The following NAV2 variants were observed in gnomAD, a reference collection of about 807,000 sequenced individuals.
The protein encoded by NAV2 is helicase, APC down-regulated 1.
In NAV2, 54 loss-of-function variants were observed where a neutral mutation model predicts 223.2. The observed-to-expected ratio is 0.24, with a 90% CI of 0.19 to 0.30. The LOEUF (loss-of-function observed/expected upper bound fraction) is 0.30, where lower values mean the gene tolerates loss of function less well. Among genes scored for constraint, NAV2 ranks in the 10% least tolerant of loss-of-function variants. NAV2 has a pLI of 1.00. For missense variants in NAV2, 2,806 were observed against 3,147.5 expected (o/e 0.89, Z 2.60); for synonymous variants, 1,279 against 1,239.3 (o/e 1.03, Z -0.67).
intron 1 of NAV2, among the ~76,000 whole-genome samples, chr11:19,686,135 C>T (rs990099493): frequency 2.0e-5 from 3 of 152,148 alleles, no homozygotes; most frequent in Admixed American, 1.3e-4. Context: ...CCTCTCTGCC[C>T]CCTTCACTTC....
At position 20,044,067 on chromosome 11, in the gene NAV2, C is replaced by T. The variant is rs748469820; in HGVS notation, c.2994C>T (p.Ser998=). ...AGAAATCAGACGGAGGCTCAGACAG[C>T]GGCATAAAAATGGAGCCAGGTTCCA... ...DVKKSDGGSD[S]GIKMEPGSKW... is the part of the protein sequence containing the mutation. Residue 998 remains serine, a synonymous_variant, in exon 13 of 38, where the codon AGC becomes AGT. Coordinates refer to ENST00000349880, the MANE Select transcript of NAV2 (RefSeq NM_145117.5). 22 of 1,614,018 alleles carry T rather than the reference C, an allele frequency of 1.4e-5. No homozygotes were observed. The East Asian group carries it at 2.0e-4, about 15-fold the overall frequency.
intron 1 of NAV2, among the ~76,000 whole-genome samples, chr11:19,665,915 A>AATCATC (rs570038146): frequency 6.6e-6 from 1 of 152,008 alleles, no homozygotes. Flanking sequence ...AAGAATGCAG[A>AATCATC]ATCATCATCA....
Position 19,534,682 on chromosome 11 carries a change from G to A in NAV2, c.75+183655G>A, listed in dbSNP as rs377629951. Among the ~76,000 whole-genome samples the A allele has an allele frequency of 5.9e-5, 9 of 152,204 alleles. 1 individual carries two copies. In the East Asian group the frequency reaches 9.6e-4, roughly 16 times the overall value. On this transcript the variant is annotated intron_variant, in intron 1 of 37. Transcript: ENST00000360655. ...GAGCAATGGCATGGAACTTGGAGCA[G>A]CAGGGCTCCCTGTGCAATGTTTGAA...
chr11:19,594,399 T>TGGTAGCTG (rs1463574088), intron 1 of NAV2, among the ~76,000 whole-genome samples: 1 of 152,140 alleles, frequency 6.6e-6, no homozygotes, highest in Non-Finnish European at 1.5e-5. Flanking sequence ...CAAGGTTTGA[T>TGGTAGCTG]GGTAGCTGGC....
chr11:19,772,618 C>T (rs937535805), intron 1 of NAV2, among the ~76,000 whole-genome samples: 2 of 152,216 alleles, frequency 1.3e-5, no homozygotes, highest in African/African-American at 4.8e-5. Flanking sequence ...CTCTGACAAG[C>T]TATCTAGCTC....
chr11:19,617,436 G>T (rs1032878581), intron 1 of NAV2, among the ~76,000 whole-genome samples: 1 of 152,108 alleles, frequency 6.6e-6, no homozygotes, highest in East Asian at 1.9e-4. Context: ...GTCTGGTAAT[G>T]GGGGGATAAC....
chr11:19,930,597 T>A (rs2045236016), intron 6 of NAV2, among the ~76,000 whole-genome samples: 1 of 152,236 alleles, frequency 6.6e-6, no homozygotes, highest in Admixed American at 6.5e-5. Context: ...AAATGTGAAC[T>A]CCATGAAGGC....
chr11:19,362,104 A>C (rs987528781), intron 1 of NAV2, among the ~76,000 whole-genome samples: 1 of 152,186 alleles, frequency 6.6e-6, no homozygotes, highest in Admixed American at 6.5e-5. Flanking sequence ...GCAGGTATAC[A>C]CTGTCACTTT....
intron 4 of NAV2, among the ~76,000 whole-genome samples, chr11:19,877,497 G>C (rs1398592794): frequency 4.8e-5 from 2 of 41,904 alleles, no homozygotes; most frequent in African/African-American, 3.7e-4. Context: ...TTTTGAGACA[G>C]AGTCTTGCTC....
intron 1 of NAV2, among the ~76,000 whole-genome samples, chr11:19,700,243 A>G (rs1230303997): frequency 6.6e-6 from 1 of 152,188 alleles, no homozygotes; most frequent in Non-Finnish European, 1.5e-5. Flanking sequence ...TATAAACTCT[A>G]TTTTACAGAT....
intron 1 of NAV2, among the ~76,000 whole-genome samples, chr11:19,677,872 TG>T (rs779816717): frequency 1.2e-4 from 19 of 152,358 alleles, no homozygotes; most frequent in South Asian, 2.1e-4. Flanking sequence ...CCATATGGCC[TG>T]CAAAGCCTAA....
intron 3 of NAV2, among the ~76,000 whole-genome samples, chr11:19,850,971 C>T (rs1164806555): frequency 1.3e-5 from 2 of 152,162 alleles, no homozygotes; most frequent in South Asian, 2.1e-4. Flanking sequence ...GATAAAGAAC[C>T]TCTCATTCTT....
intron 1 of NAV2, among the ~76,000 whole-genome samples, chr11:19,362,081 C>T (rs4551739): frequency 0.12 from 17,826 of 152,184 alleles, 1,350 homozygotes; most frequent in Admixed American, 0.22. Flanking sequence ...TGGTGAGGCC[C>T]TGTAATGCAG....
rs566576885 is a variant in NAV2, at chr11:19,861,892, C to T, written c.439-7033C>T. 3.3e-5 allele frequency among the ~76,000 whole-genome samples: 5 copies of T among 152,326 alleles called. No homozygotes were observed. In the South Asian group the frequency reaches 8.3e-4, roughly 25 times the overall value. ...TAGTCACCAGTGGAATTTTTCCTCTCATAGGGTCTACCATCTCTAAAAGAG... is the reference window on the plus strand; with the variant it reads ...TAGTCACCAGTGGAATTTTTCCTCTTATAGGGTCTACCATCTCTAAAAGAG... On this transcript the variant is annotated intron_variant, in intron 3 of 37. Transcript: ENST00000349880.
chr11:19,548,807 G>A (rs2044590901), intron 1 of NAV2, among the ~76,000 whole-genome samples: 1 of 149,458 alleles, frequency 6.7e-6, no homozygotes, highest in Non-Finnish European at 1.5e-5. Flanking sequence ...GAACCCGGAA[G>A]GCGGAGCTTG....
At chr11:20,044,821 A>G (rs1440634200) in intron 13 of NAV2, 147 bp from the exon 14 acceptor site, 1 of 629,620 alleles carries the variant, frequency 1.6e-6, no homozygotes, top group Non-Finnish European at 2.7e-6. Flanking sequence ...ACATTAGTAG[A>G]CTATATTATT....
chr11:19,539,581 T>C (rs2044284399), intron 1 of NAV2, among the ~76,000 whole-genome samples: 1 of 152,254 alleles, frequency 6.6e-6, no homozygotes, highest in Admixed American at 6.5e-5. Context: ...GAGAGTCGTT[T>C]AACAATGTGC....
intron 1 of NAV2, among the ~76,000 whole-genome samples, chr11:19,644,838 G>A (rs1057014738): frequency 6.6e-6 from 1 of 152,216 alleles, no homozygotes; most frequent in African/African-American, 2.4e-5. Flanking sequence ...CAAAGGTATG[G>A]ACCAGTTTAT....
chr11:19,973,993 T>G (rs541624704), intron 10 of NAV2, among the ~76,000 whole-genome samples: 1 of 152,374 alleles, frequency 6.6e-6, no homozygotes, highest in East Asian at 1.9e-4. Context: ...TAACAACTTT[T>G]ATCAAGCCTT....
Sources: allele counts gnomAD v4.1 joint callset (sites outside exome capture counted in the v4.1 genomes callset), GRCh38; gene constraint gnomAD v4.1.1; transcripts MANE v1.5; gene names NCBI Gene and HGNC (gene_info 2026-07-23, HGNC 2026-07-21).